The following ZNF217 variants were observed in gnomAD, a reference collection of about 807,000 sequenced individuals.
ZNF217 encodes zinc finger protein 217.
Under a neutral mutation model 73.3 loss-of-function variants are expected in ZNF217, and 12 were observed. The observed-to-expected ratio is 0.16, with a 90% CI of 0.10 to 0.27. The LOEUF (loss-of-function observed/expected upper bound fraction) is 0.27. Ranked by LOEUF, ZNF217 falls within the 10% of genes least tolerant of loss-of-function variation. The pLI, the probability that ZNF217 is intolerant of heterozygous loss-of-function variation, is 1.00. For missense variants in ZNF217, 1,195 were observed against 1,327.8 expected (o/e 0.90, Z 1.55); for synonymous variants, 588 against 516.4 (o/e 1.14, Z -1.88).
chr20:53,586,870 A>C (rs532203829), intron 1 of ZNF217, among the ~76,000 whole-genome samples: 14 of 152,360 alleles, frequency 9.2e-5, no homozygotes, highest in African/African-American at 3.4e-4. Context: ...CACTGCTGAT[A>C]AAGTAAATTG....
At chr20:53,595,636 C>T (rs955861937), upstream of ZNF217, among the ~76,000 whole-genome samples, 2 of 152,212 alleles carry the variant, frequency 1.3e-5, no homozygotes, top group Non-Finnish European at 2.9e-5. Context: ...CCAGTAGATT[C>T]TTAGGCCAGC....
In ZNF217 at chr20:53,576,642, G is replaced by C. The variant is rs1453666733; in HGVS notation, c.2122C>G (p.Pro708Ala). ...PAISLSKSLI[P>A]SITCPFCTFK... ...GTACAAAATGGACAGGTGATACTTG[G>C]AATCAAACTTTTACTCAAAGAAATT... Residue 708 changes from proline (P) to alanine (A), a missense_variant, in exon 4 of 6, where the codon CCA becomes GCA. By Grantham distance (27) the Pro-to-Ala change is conservative. Around this residue, in one of 9 missense-constraint regions of ZNF217, gnomAD observed 649 missense variants for 642.8 expected, o/e 1.01. Transcript: ENST00000371471. 1.2e-6 allele frequency: 2 copies of C among 1,614,210 alleles called. No individual in the cohort carries two copies. Among genetic ancestry groups the C allele is most frequent in the African/African-American group, 2.7e-5 (2 of 75,068 alleles).
intron 1 of ZNF217, among the ~76,000 whole-genome samples, chr20:53,588,766 C>G (rs1227659889): frequency 6.6e-6 from 1 of 152,168 alleles, no homozygotes; most frequent in Non-Finnish European, 1.5e-5. Flanking sequence ...TAAGATCGTT[C>G]TTCTGCAAGA....
At chr20:53,594,731 A>T (rs1223309139), upstream of ZNF217, among the ~76,000 whole-genome samples, 1 of 152,026 alleles carries the variant, frequency 6.6e-6, no homozygotes, top group Non-Finnish European at 1.5e-5. Flanking sequence ...GGGCGAGGGG[A>T]GGGGCCCGCG....
At chr20:53,578,577 G>A (rs958297841) in intron 2 of ZNF217, 127 bp from the exon 3 acceptor site, 13 of 591,652 alleles carry the variant, frequency 2.2e-5, no homozygotes, top group Non-Finnish European at 3.2e-5. Context: ...ATATAACATC[G>A]GGTTAGAACA....
Position 53,578,418 on chromosome 20 carries a change from G to A in ZNF217, c.1399C>T (p.Leu467Phe). 6.3e-7 allele frequency: 1 copy of A among 1,575,662 alleles called. No homozygotes were observed. The highest frequency in any genetic ancestry group is 8.6e-7 in the Non-Finnish European group (1 of 1,166,938). Residue 467 changes from leucine (L) to phenylalanine (F), a missense_variant, in exon 3 of 6, where the codon CTT becomes TTT. Around this residue, in one of 9 missense-constraint regions of ZNF217, gnomAD observed 116 missense variants for 121.9 expected, o/e 0.95. Transcript: ENST00000371471. ...KNDDGGKIKH[L>F]TSSRECSYCG... ...TAACTACACTCTCTTGAAGATGTAA[G>A]ATGTTTTATTTTTCCTCCATCATCA...
chr20:53,588,023 A>C (rs6097492), intron 1 of ZNF217, among the ~76,000 whole-genome samples: 4,193 of 152,246 alleles, frequency 0.028, 149 homozygotes, highest in East Asian at 0.14. Flanking sequence ...GCGAAAGAAA[A>C]AGATTGGAAT....
Position 53,576,192 on chromosome 20 carries a change from C to T in ZNF217, c.2572G>A (p.Glu858Lys), listed in dbSNP as rs763201551. 14 of 1,614,182 alleles carry T rather than the reference C, an allele frequency of 8.7e-6. No homozygotes were observed. The highest frequency in any genetic ancestry group is 9.3e-6 in the Non-Finnish European group (11 of 1,180,032). Residue 858 changes from glutamate to lysine, a missense_variant, in exon 4 of 6, where the codon GAG becomes AAG. Coordinates refer to ENST00000371471, the MANE Select transcript of ZNF217 (RefSeq NM_006526.3). ...SPAPDKTKRP[E>K]TKLKPLPVAP... The stretch of plus-strand genomic sequence containing the variant: ...ACTGGAAGAGGTTTCAATTTTGTCT[C>T]GGGTCTTTTTGTCTTATCCGGTGCA...
chr20:53,596,760 A>G (rs886997857), upstream of ZNF217, among the ~76,000 whole-genome samples: 3 of 152,030 alleles, frequency 2.0e-5, no homozygotes, highest in African/African-American at 7.2e-5. Context: ...TGCGTAGGCC[A>G]TCTCTAAAGG....
chr20:53,596,303 T>G (rs772031338), upstream of ZNF217, among the ~76,000 whole-genome samples: 2 of 152,200 alleles, frequency 1.3e-5, no homozygotes, highest in Non-Finnish European at 2.9e-5. Context: ...TGATTATAAT[T>G]CACTGATCTG....
At chr20:53,571,403 C>A (rs1208766749) in intron 5 of ZNF217, among the ~76,000 whole-genome samples, 2 of 57,698 alleles carry the variant, frequency 3.5e-5, no homozygotes, top group Non-Finnish European at 6.5e-5. Context: ...AATCCCCGCC[C>A]CCGCCCCCCC....
In ZNF217 at chr20:53,567,521, C is replaced by G. The variant is rs1286023909; in HGVS notation, c.*1767G>C. 6.6e-6 allele frequency: 1 copy of G among 152,498 alleles called. No individual in the cohort carries two copies. The highest frequency in any genetic ancestry group is 2.4e-5 in the African/African-American group (1 of 41,402). The allele number at this position is 152,498 out of a possible 1,614,324, so 9.4% of individuals were successfully genotyped here. ...TCCAGCCCTCTATTATCACATACCC[C>G]CTTTAAGATTTATGGTTCTAGTCAC... On this transcript the variant is annotated 3_prime_UTR_variant, in exon 6 of 6. Coordinates refer to ENST00000371471, the MANE Select transcript of ZNF217 (RefSeq NM_006526.3).
upstream of ZNF217, among the ~76,000 whole-genome samples, chr20:53,594,121 T>C (rs1988989103): frequency 7.3e-6 from 1 of 137,628 alleles, no homozygotes; most frequent in Non-Finnish European, 1.6e-5. Flanking sequence ...GGCGCGGGGC[T>C]AAGGTGAGCG....
At chr20:53,591,524 G>T (rs1457533180) in intron 1 of ZNF217, among the ~76,000 whole-genome samples, 1 of 152,152 alleles carries the variant, frequency 6.6e-6, no homozygotes, top group African/African-American at 2.4e-5. Context: ...ACTGCCTCTT[G>T]AATTTAAATA....
rs1988294201 is a variant in ZNF217 at position 53,576,819 on chromosome 20, G to A, written c.1945C>T (p.Pro649Ser). Residue 649 changes from proline to serine, a missense_variant, in exon 4 of 6, where the codon CCT (proline) becomes TCT (serine). Coordinates refer to ENST00000371471, the MANE Select transcript of ZNF217 (RefSeq NM_006526.3). ...TGGGTGGTACTGCCATCCGGAGGAGGAGTAACATCCGCCTTGGTTCTACAG... is the reference window on the plus strand; with the variant it reads ...TGGGTGGTACTGCCATCCGGAGGAGAAGTAACATCCGCCTTGGTTCTACAG... Reference protein sequence around the residue: ...LICRTKADVTPPPDGSTTHNL... With the variant: ...LICRTKADVTSPPDGSTTHNL... The A allele has an allele frequency of 1.2e-6, 2 of 1,614,120 alleles. No homozygotes were observed. Among genetic ancestry groups the A allele is most frequent in the African/African-American group, 1.3e-5 (1 of 74,936 alleles).
intron 1 of ZNF217, among the ~76,000 whole-genome samples, chr20:53,593,101 C>T (rs1453462261): frequency 1.3e-5 from 2 of 152,030 alleles, no homozygotes; most frequent in African/African-American, 2.4e-5. Context: ...CAGGGATGAG[C>T]AGGCGCCCCA....
intron 1 of ZNF217, among the ~76,000 whole-genome samples, chr20:53,591,104 G>C (rs1002211725): frequency 3.3e-5 from 5 of 152,076 alleles, no homozygotes; most frequent in African/African-American, 9.7e-5. Flanking sequence ...CAGGGTAAAG[G>C]GGAGAAAAGT....
At chr20:53,573,200 G>A (rs1338625182) in intron 4 of ZNF217, among the ~76,000 whole-genome samples, 5 of 148,202 alleles carry the variant, frequency 3.4e-5, no homozygotes, top group African/African-American at 5.0e-5. Context: ...TCAGCTCACC[G>A]CAACCTCCAC....
At chr20:53,593,251 A>G (rs1276292448) in intron 1 of ZNF217, among the ~76,000 whole-genome samples, 1 of 151,880 alleles carries the variant, frequency 6.6e-6, no homozygotes, top group African/African-American at 2.4e-5. Flanking sequence ...GCCATTGTTT[A>G]CGGGGGGATG....
Sources: allele counts gnomAD v4.1 joint callset (sites outside exome capture counted in the v4.1 genomes callset), GRCh38; gene constraint gnomAD v4.1.1; regional missense constraint gnomAD v4.1.1; transcripts MANE v1.5; gene names NCBI Gene and HGNC (gene_info 2026-07-23, HGNC 2026-07-21).